The following MROH1 variants were observed in gnomAD, a reference collection of about 807,000 sequenced individuals.
MROH1 encodes maestro heat-like repeat-containing protein family member 1.
A neutral mutation model predicts 116.5 loss-of-function variants in MROH1; 117 were observed. That is an observed-to-expected ratio of 1.00 (90% CI 0.86 to 1.17). MROH1 has a LOEUF of 1.17. Among genes scored for constraint, MROH1 ranks in the 50% most tolerant of loss-of-function variants. The pLI, the probability that MROH1 is intolerant of heterozygous loss-of-function variation, is 0.00. For synonymous variants in MROH1, 921 were observed against 583.9 expected (o/e 1.58, Z -8.32); for missense variants, 1,873 against 1,338.5 (o/e 1.40, Z -6.23).
chr8:144,252,048 C>A, intron 33 of MROH1: 1 of 205,330 alleles, frequency 4.9e-6, no homozygotes, highest in Non-Finnish European at 1.0e-5. Flanking sequence ...TGCTGCTGCC[C>A]ATCCTTTCTC....
intron 26 of MROH1, 125 bp from the exon 27 acceptor site, chr8:144,244,097 G>A (rs1841475883): frequency 1.4e-6 from 1 of 698,978 alleles, no homozygotes. Context: ...TGCATGGGGT[G>A]CCGCCATGGT....
At chr8:144,200,183 T>G (rs7014333) in intron 11 of MROH1, among the ~76,000 whole-genome samples, 150,468 of 152,234 alleles carry the variant, frequency 0.99, 74,380 homozygotes, top group East Asian at 1. Context: ...TGTGCTGGGT[T>G]GGCCAAGATC....
chr8:144,206,042 A>G (rs908357019), intron 12 of MROH1, among the ~76,000 whole-genome samples: 10 of 152,214 alleles, frequency 6.6e-5, no homozygotes, highest in African/African-American at 2.2e-4. Context: ...CCTACTGTTA[A>G]GAAGTGACCT....
At chr8:144,221,030 G>A (rs1836618400) in intron 13 of MROH1, among the ~76,000 whole-genome samples, 1 of 152,178 alleles carries the variant, frequency 6.6e-6, no homozygotes, top group Non-Finnish European at 1.5e-5. Flanking sequence ...TGGTTGGGGT[G>A]CCTGGGACAG....
At chr8:144,193,608 T>C (rs996240641) in intron 10 of MROH1, among the ~76,000 whole-genome samples, 7 of 152,100 alleles carry the variant, frequency 4.6e-5, no homozygotes, top group Non-Finnish European at 7.4e-5. Context: ...ATTTATTTAT[T>C]TATTATTTAT....
chr8:144,238,705 G>A (rs1840459781), intron 14 of MROH1, 51 bp from the exon 15 acceptor site: 2 of 760,300 alleles, frequency 2.6e-6, no homozygotes, highest in Non-Finnish European at 4.8e-6. Context: ...GTGTCCTCAG[G>A]CCCAGAGCCA....
At chr8:144,228,342 A>G (rs1457668087) in intron 14 of MROH1, among the ~76,000 whole-genome samples, 1 of 152,228 alleles carries the variant, frequency 6.6e-6, no homozygotes, top group Non-Finnish European at 1.5e-5. Flanking sequence ...TGCTAAAAAA[A>G]TTGCTAAGGA....
rs377492905 is a variant in MROH1, at chr8:144,199,130, G to A, written c.957G>A (p.Val319=). 1.5e-4 allele frequency: 235 copies of A among 1,613,570 alleles called. 1 individual carries two copies. Among genetic ancestry groups the A allele is most frequent in the Admixed American group, 5.8e-4 (35 of 59,936 alleles). ...CCCCGTTCCTGGAGCAGATCTGTGT[G>A]CCTGTGGAGTCCTCAAGCCCCCTGG... The part of the protein sequence containing the change: ...LLAALHSQIC[V]PVESSSPLVM... Residue 319 remains valine, a synonymous_variant, in exon 11 of 44, where the codon GTG becomes GTA. Coordinates refer to ENST00000326134, the MANE Select transcript of MROH1 (RefSeq NM_032450.3).
chr8:144,244,115 A>C, intron 26 of MROH1, 107 bp from the exon 27 acceptor site: 2 of 700,052 alleles, frequency 2.9e-6, no homozygotes, highest in Non-Finnish European at 5.3e-6. Flanking sequence ...GGTCTGGAGC[A>C]GAGTAAACAT....
intron 3 of MROH1, among the ~76,000 whole-genome samples, chr8:144,164,086 T>G (rs1261301473): frequency 6.6e-6 from 1 of 151,540 alleles, no homozygotes; most frequent in Non-Finnish European, 1.5e-5. Flanking sequence ...TTTGAAGGTT[T>G]GTTTTACTTT....
chr8:144,181,118 G>A (rs539844791), intron 7 of MROH1, among the ~76,000 whole-genome samples: 5 of 152,120 alleles, frequency 3.3e-5, no homozygotes, highest in Admixed American at 6.5e-5. Flanking sequence ...CACAGCCCAC[G>A]GCCTCGTGCT....
At chr8:144,165,057 C>T (rs1820458282) in intron 3 of MROH1, among the ~76,000 whole-genome samples, 1 of 151,898 alleles carries the variant, frequency 6.6e-6, no homozygotes, top group Non-Finnish European at 1.5e-5. Context: ...CTCCTGGGCT[C>T]AAGCCATCCT....
chr8:144,157,677 C>CTTTTTTTTTTTTTTTTTTTTTTTTTT (rs1164415639), intron 1 of MROH1, among the ~76,000 whole-genome samples: 1 of 117,940 alleles, frequency 8.5e-6, no homozygotes, highest in Non-Finnish European at 1.7e-5. Flanking sequence ...TTCTTTCTTT[C>CTTTTTTTTTTTTTTTTTTTTTTTTTT]TTTTTTTTTT....
intron 35 of MROH1, among the ~76,000 whole-genome samples, chr8:144,257,868 C>G (rs1219036642): frequency 6.6e-6 from 1 of 152,348 alleles, no homozygotes; most frequent in Middle Eastern, 3.4e-3. Flanking sequence ...CCAAAGGCGG[C>G]GGGGGCCTAA....
At chr8:144,190,038 G>C (rs1828163387) in intron 7 of MROH1, among the ~76,000 whole-genome samples, 1 of 152,224 alleles carries the variant, frequency 6.6e-6, no homozygotes, top group Non-Finnish European at 1.5e-5. Context: ...TGGGAGCCCA[G>C]AGACAGAATT....
Position 144,163,803 on chromosome 8 carries a change from G to T in MROH1, c.-24G>T. Reference sequence around the variant, plus strand: ...AAGAAGTTGTCCATGTTCACACTGGGTGAAGGAAGCTGAAACCACAGACAT... The same window carrying T: ...AAGAAGTTGTCCATGTTCACACTGGTTGAAGGAAGCTGAAACCACAGACAT... On this transcript the variant is annotated 5_prime_UTR_variant, in exon 3 of 44. Coordinates refer to ENST00000326134, the MANE Select transcript of MROH1 (RefSeq NM_032450.3). The surrounding 1 kb of genome is among the most constrained non-coding windows in gnomAD (Gnocchi z 4.4). 3 of 1,613,424 alleles carry T rather than the reference G, an allele frequency of 1.9e-6. No homozygotes were observed. Among genetic ancestry groups the T allele is most frequent in the Non-Finnish European group, 2.5e-6 (3 of 1,179,542 alleles).
intron 12 of MROH1, among the ~76,000 whole-genome samples, chr8:144,218,952 G>A (rs1170227386): frequency 6.0e-5 from 8 of 134,256 alleles, no homozygotes; most frequent in Admixed American, 1.5e-4. Flanking sequence ...CTTGTGCCTC[G>A]GCTTCCCAAG....
intron 4 of MROH1, among the ~76,000 whole-genome samples, chr8:144,176,535 AG>A (rs1196942307): frequency 4.8e-5 from 1 of 20,792 alleles, no homozygotes; most frequent in Non-Finnish European, 1.3e-4. Flanking sequence ...ACCCTGACTC[AG>A]AAAAAAAAAA....
At chr8:144,207,421 C>T (rs1323732638) in intron 12 of MROH1, among the ~76,000 whole-genome samples, 11 of 145,720 alleles carry the variant, frequency 7.5e-5, no homozygotes, top group African/African-American at 2.6e-4. Flanking sequence ...CTTCTGACCT[C>T]GTGATCTACC....
Sources: gnomAD v4.1 joint callset for allele counts (sites outside exome capture counted in the v4.1 genomes callset) on GRCh38, gnomAD v4.1.1 for gene constraint, Gnocchi (gnomAD v3.1) non-coding constraint, MANE v1.5 for transcripts, NCBI Gene and HGNC (gene_info 2026-07-23, HGNC 2026-07-21) for gene names.